Variants in GPHN observed in about 807,000 individuals in gnomAD.
GPHN encodes the protein gephyrin.
A neutral mutation model predicts 95.5 loss-of-function variants in GPHN; 17 were observed. The observed-to-expected ratio is 0.18, with a 90% confidence interval of 0.12 to 0.27. The LOEUF (loss-of-function observed/expected upper bound fraction) is 0.27, where lower values mean the gene tolerates loss of function less well. GPHN is among the 10% of genes least tolerant of loss of function. GPHN has a pLI of 1.00. For synonymous variants in GPHN, 320 were observed against 322.5 expected (o/e 0.99, Z 0.08); for missense variants, 660 against 978.1 (o/e 0.67, Z 4.34).
At chr14:67,390,860 C>T in the GPHN span, 1 of 787,618 alleles carries the variant, frequency 1.3e-6, no homozygotes. Flanking sequence ...AATGGGACTA[C>T]ATTCTAAAAC....
chr14:67,290,060 C>T, the GPHN span, among the ~76,000 whole-genome samples: 1 of 152,178 alleles, frequency 6.6e-6, no homozygotes, highest in South Asian at 2.1e-4. Context: ...GCGTGAGCCA[C>T]TGTGCCTGGC....
intron 2 of GPHN, among the ~76,000 whole-genome samples, chr14:66,701,508 C>A (rs2068556433): frequency 2.0e-5 from 3 of 152,108 alleles, no homozygotes; most frequent in African/African-American, 7.2e-5. Flanking sequence ...CTGGTGTGAT[C>A]CACGGAGAGA....
intron 9 of GPHN, among the ~76,000 whole-genome samples, chr14:67,014,638 C>T (rs2073200751): frequency 1.3e-5 from 2 of 152,286 alleles, no homozygotes; most frequent in South Asian, 4.1e-4. Context: ...TCTATTACTA[C>T]TTTACTGTAT....
At chr14:67,391,080 C>G in the GPHN span, among the ~76,000 whole-genome samples, 1 of 152,134 alleles carries the variant, frequency 6.6e-6, no homozygotes, top group Non-Finnish European at 1.5e-5. Context: ...TGGGAGCACA[C>G]AGGCAAACTT....
intron 9 of GPHN, among the ~76,000 whole-genome samples, chr14:66,998,557 G>A (rs2071973264): frequency 6.6e-6 from 1 of 151,918 alleles, no homozygotes; most frequent in Admixed American, 6.6e-5. Context: ...AGGATCATTG[G>A]TACAAAGTAC....
At chr14:67,451,504 C>A in the GPHN span, among the ~76,000 whole-genome samples, 19 of 152,342 alleles carry the variant, frequency 1.2e-4, no homozygotes, top group African/African-American at 4.3e-4. Context: ...CCTCTTGCAT[C>A]AGTGTGATCT....
chr14:66,681,226 T>C (rs925186574), intron 2 of GPHN, 41 bp downstream of exon 2: 9 of 1,130,212 alleles, frequency 8.0e-6, no homozygotes, highest in Non-Finnish European at 1.2e-5. Context: ...AATTAAAACT[T>C]TATTATTAGT....
intron 4 of GPHN, among the ~76,000 whole-genome samples, chr14:66,878,879 A>G (rs1052127233): frequency 2.0e-5 from 3 of 152,226 alleles, no homozygotes; most frequent in Admixed American, 6.5e-5. Flanking sequence ...AATATTATAT[A>G]TCGTCCTATT....
At chr14:66,680,217 A>G (rs981822905) in intron 1 of GPHN, among the ~76,000 whole-genome samples, 4 of 152,102 alleles carry the variant, frequency 2.6e-5, no homozygotes, top group Admixed American at 2.0e-4. Flanking sequence ...AAATTGTTGG[A>G]GATTTTACTC....
At chr14:66,797,116 T>C (rs1339985206) in intron 3 of GPHN, among the ~76,000 whole-genome samples, 1 of 149,700 alleles carries the variant, frequency 6.7e-6, no homozygotes, top group Non-Finnish European at 1.5e-5. Flanking sequence ...GTTCTTGGCA[T>C]CTTTGTTGAA....
At chr14:67,428,733 C>A in the GPHN span, among the ~76,000 whole-genome samples, 1 of 152,242 alleles carries the variant, frequency 6.6e-6, no homozygotes, top group Admixed American at 6.5e-5. Context: ...AACGCTGCCC[C>A]TTCCTTCCAA....
At chr14:67,094,212 G>A (rs2077256088) in intron 12 of GPHN, among the ~76,000 whole-genome samples, 1 of 152,066 alleles carries the variant, frequency 6.6e-6, no homozygotes, top group South Asian at 2.1e-4. Context: ...TACACAATGA[G>A]TAGTTATCTA....
chr14:66,743,430 G>A (rs374367695), intron 2 of GPHN, among the ~76,000 whole-genome samples: 2 of 152,084 alleles, frequency 1.3e-5, no homozygotes, highest in Non-Finnish European at 1.5e-5. Flanking sequence ...GTTGCCTGTT[G>A]CAATTTCCTT....
At chr14:66,939,974 T>C (rs186180268) in intron 8 of GPHN, among the ~76,000 whole-genome samples, 1 of 152,200 alleles carries the variant, frequency 6.6e-6, no homozygotes, top group Admixed American at 6.5e-5. Flanking sequence ...TGAGGACAGC[T>C]CAAAAATCTC....
intron 4 of GPHN, among the ~76,000 whole-genome samples, chr14:66,837,175 CA>C (rs1175836727): frequency 2.6e-5 from 4 of 151,374 alleles, no homozygotes; most frequent in Admixed American, 2.6e-4. Context: ...TTCACAATAG[CA>C]AAGACTTGGA....
chr14:67,582,678 A>G, the GPHN span, among the ~76,000 whole-genome samples: 131 of 152,220 alleles, frequency 8.6e-4, no homozygotes, highest in Admixed American at 1.6e-3. The surrounding 1 kb of genome is among the most constrained non-coding windows in gnomAD (Gnocchi z 5.0). Context: ...AAATAAAATA[A>G]AAATAAAAAT....
chr14:66,659,214 G>A (rs542535342), intron 1 of GPHN, among the ~76,000 whole-genome samples: 2 of 151,260 alleles, frequency 1.3e-5, no homozygotes, highest in African/African-American at 4.9e-5. Flanking sequence ...TGTGCTTTTT[G>A]TTTCATGGAT....
chr14:67,620,822 A>G, the GPHN span: 1 of 1,504,612 alleles, frequency 6.6e-7, no homozygotes, highest in East Asian at 2.3e-5. Context: ...CCTGCTGGGA[A>G]CTAAATGTAC....
intron 4 of GPHN, among the ~76,000 whole-genome samples, chr14:66,856,178 A>G (rs1398890473): frequency 3.9e-5 from 6 of 152,142 alleles, no homozygotes; most frequent in Non-Finnish European, 7.4e-5. Flanking sequence ...TTTGCTGATG[A>G]GTAACTTTGG....
Sources: gnomAD v4.1 joint callset for allele counts (sites outside exome capture counted in the v4.1 genomes callset) on GRCh38, gnomAD v4.1.1 for gene constraint, Gnocchi (gnomAD v3.1) non-coding constraint, MANE v1.5 for transcripts, NCBI Gene and HGNC (gene_info 2026-07-23, HGNC 2026-07-21) for gene names.